Variants in ITPK1 observed in about 807,000 individuals in gnomAD.
The protein encoded by ITPK1 is inositol-tetrakisphosphate 1-kinase.
ITPK1 carries 21 observed loss-of-function variants against 45.3 expected under a neutral mutation model. The observed-to-expected ratio is 0.46, with a 90% CI of 0.33 to 0.67. ITPK1 has a LOEUF of 0.67. Among genes scored for constraint, ITPK1 ranks in the 30% least tolerant of loss-of-function variants. The pLI is 0.02. For synonymous variants in ITPK1, 258 were observed against 253.6 expected, an observed-to-expected ratio of 1.02 and a Z score of -0.16; for missense variants, 474 against 573.5, an observed-to-expected ratio of 0.83 and a Z score of 1.77.
intron 5 of ITPK1, among the ~76,000 whole-genome samples, chr14:92,990,670 G>T (rs905481971): frequency 6.6e-6 from 1 of 152,180 alleles, no homozygotes; most frequent in Non-Finnish European, 1.5e-5. Flanking sequence ...CGGAGACAGC[G>T]ATGCTGGGAG....
chr14:92,977,050 G>C (rs1298698479), intron 5 of ITPK1, among the ~76,000 whole-genome samples: 1 of 152,176 alleles, frequency 6.6e-6, no homozygotes, highest in Non-Finnish European at 1.5e-5. Flanking sequence ...TTCACCTTTT[G>C]GTGCCTTCAT....
At chr14:92,946,570 C>G in intron 9 of ITPK1, 77 bp from the exon 10 acceptor site, 1 of 1,399,102 alleles carries the variant, frequency 7.1e-7, no homozygotes, top group Admixed American at 1.8e-5. Context: ...ACCCCCCACA[C>G]CAGCTGCCAC....
At chr14:92,951,234 T>C (rs1199953013) in intron 9 of ITPK1, among the ~76,000 whole-genome samples, 2 of 152,192 alleles carry the variant, frequency 1.3e-5, no homozygotes, top group Admixed American at 6.5e-5. Context: ...CAGCAGAGGG[T>C]AGCCTTTCCT....
intron 9 of ITPK1, among the ~76,000 whole-genome samples, chr14:92,950,532 G>A (rs905247566): frequency 1.3e-5 from 2 of 152,256 alleles, no homozygotes; most frequent in African/African-American, 4.8e-5. Context: ...CAGAGGTGAA[G>A]GGAAGGGCCC....
intron 3 of ITPK1, among the ~76,000 whole-genome samples, chr14:93,061,650 T>C (rs1890529083): frequency 6.6e-6 from 1 of 151,626 alleles, no homozygotes; most frequent in Non-Finnish European, 1.5e-5. Context: ...AATGCAGGGG[T>C]TTGTTTATTT....
intron 3 of ITPK1, among the ~76,000 whole-genome samples, chr14:93,054,907 T>C (rs1055890892): frequency 1.3e-5 from 2 of 152,126 alleles, no homozygotes; most frequent in African/African-American, 4.8e-5. Context: ...TTTCACAAAC[T>C]GGCACCCAAG....
In ITPK1 at chr14:93,032,171, G is replaced by A. The variant is rs1889094372; in HGVS notation, c.121-15370C>T. Among the ~76,000 whole-genome samples, 1 of 152,184 alleles carries A rather than the reference G, an allele frequency of 6.6e-6. No individual in the cohort carries two copies. Among genetic ancestry groups the A allele is most frequent in the South Asian group, 2.1e-4 (1 of 4,834 alleles). On this transcript the variant is annotated intron_variant, in intron 3 of 10. Coordinates refer to ENST00000267615, the MANE Select transcript of ITPK1 (RefSeq NM_014216.6). This position sits in a 1 kb window ranked among gnomAD's most constrained non-coding sequence, Gnocchi z 4.0. ...TTGCAACCAGCCTGGGCAACACAGT[G>A]AAACCCCATCTCTACTAAAAGTGCA...
rs373159639 is a variant in ITPK1 at position 93,094,725 on chromosome 14, G to T, written c.96-18106C>A. ...TGTGTCCACACCTGGCAGTCACAGC[G>T]TGGGGACGGGACCCACTGCAGGCAC... On this transcript the variant is annotated intron_variant, in intron 2 of 10. Transcript: ENST00000267615. Among the ~76,000 whole-genome samples the T allele has an allele frequency of 1.4e-4, 22 of 152,340 alleles. No homozygotes were observed. The South Asian group carries it at 4.6e-3, about 32-fold the overall frequency.
chr14:93,084,562 C>T (rs1038077858), intron 2 of ITPK1, among the ~76,000 whole-genome samples: 16 of 152,174 alleles, frequency 1.1e-4, no homozygotes, highest in Admixed American at 9.2e-4. Context: ...AACCTATTTC[C>T]GCCAGCCTTT....
At chr14:93,010,453 G>A (rs1182683110) in intron 4 of ITPK1, among the ~76,000 whole-genome samples, 2 of 152,212 alleles carry the variant, frequency 1.3e-5, no homozygotes, top group Non-Finnish European at 2.9e-5. Flanking sequence ...GGTGTTCTGT[G>A]CCATCCTGCA....
intron 3 of ITPK1, among the ~76,000 whole-genome samples, chr14:93,065,699 C>T (rs1196506596): frequency 6.6e-6 from 1 of 152,170 alleles, no homozygotes; most frequent in African/African-American, 2.4e-5. Context: ...AATGAAACAG[C>T]CTGAGATGTG....
At chr14:92,976,498 G>A (rs1885948634) in intron 5 of ITPK1, among the ~76,000 whole-genome samples, 2 of 152,194 alleles carry the variant, frequency 1.3e-5, no homozygotes, top group African/African-American at 4.8e-5. Flanking sequence ...CCAAGCTGCA[G>A]ATTCATGAGC....
At chr14:93,092,627 G>A (rs1010048335) in intron 2 of ITPK1, among the ~76,000 whole-genome samples, 3 of 152,248 alleles carry the variant, frequency 2.0e-5, no homozygotes, top group Non-Finnish European at 4.4e-5. Context: ...AGTACCTGCA[G>A]ACATTCTTGG....
chr14:93,003,900 T>C (rs767774991), intron 4 of ITPK1, among the ~76,000 whole-genome samples: 1 of 152,272 alleles, frequency 6.6e-6, no homozygotes, highest in African/African-American at 2.4e-5. Flanking sequence ...TTAAGTTATC[T>C]GTATCTCAGT....
intron 4 of ITPK1, among the ~76,000 whole-genome samples, chr14:93,015,432 C>T (rs746680075): frequency 6.6e-6 from 1 of 152,210 alleles, no homozygotes; most frequent in Non-Finnish European, 1.5e-5. Flanking sequence ...CCCCTCGAAC[C>T]CCAGCACACT....
intron 4 of ITPK1, among the ~76,000 whole-genome samples, chr14:93,005,887 T>C (rs1313710751): frequency 1.3e-5 from 2 of 152,084 alleles, no homozygotes; most frequent in Non-Finnish European, 2.9e-5. Flanking sequence ...ATGCAGCAGT[T>C]AGAATGAGGC....
At chr14:93,050,615 T>C (rs1595169386) in intron 3 of ITPK1, among the ~76,000 whole-genome samples, 2 of 152,024 alleles carry the variant, frequency 1.3e-5, no homozygotes, top group East Asian at 3.9e-4. Context: ...CCTCAGTTCG[T>C]GTTTCCTCCC....
chr14:93,058,431 G>C (rs1454321550), intron 3 of ITPK1, among the ~76,000 whole-genome samples: 1 of 85,728 alleles, frequency 1.2e-5, no homozygotes, highest in Non-Finnish European at 2.4e-5. Context: ...TGCGGGTCAC[G>C]AGGCAGGGGT....
rs540942408 is a variant in ITPK1 at position 92,958,507 on chromosome 14, T to C, written c.505-141A>G. The C allele has an allele frequency of 7.8e-4, 575 of 741,100 alleles. 11 individuals are homozygous for C. In the South Asian group the frequency reaches 9.6e-3, roughly 12 times the overall value. 45.9% of individuals were successfully genotyped at this position (741,100 alleles called of 1,614,324 possible). On this transcript the variant is annotated intron_variant, in intron 7 of 10. Transcript: ENST00000267615. The surrounding 1 kb of genome is among the most constrained non-coding windows in gnomAD (Gnocchi z 4.4). ...GCATGAGGACTCCCCTAGAGGAGCC[T>C]TGAGCCAGGGTGAGTGGAGTGGGAC...
Sources: allele counts gnomAD v4.1 joint callset (sites outside exome capture counted in the v4.1 genomes callset), GRCh38; gene constraint gnomAD v4.1.1; non-coding constraint Gnocchi (gnomAD v3.1); transcripts MANE v1.5; gene names NCBI Gene and HGNC (gene_info 2026-07-23, HGNC 2026-07-21).